Variants in WDR70 observed in about 807,000 individuals in gnomAD.
WDR70 encodes the protein WD repeat domain 70.
Under a neutral mutation model 88.6 loss-of-function variants are expected in WDR70, and 53 were observed. The observed-to-expected ratio is 0.60, with a 90% CI of 0.48 to 0.75. The LOEUF (loss-of-function observed/expected upper bound fraction) is 0.75, where lower values mean the gene tolerates loss of function less well. WDR70 is among the 30% of genes least tolerant of loss of function. The pLI is 0.00. For missense variants in WDR70, 610 were observed against 823.2 expected, an observed-to-expected ratio of 0.74 and a Z score of 3.17; for synonymous variants, 280 against 270.0, an observed-to-expected ratio of 1.04 and a Z score of -0.36.
intron 8 of WDR70, among the ~76,000 whole-genome samples, chr5:37,514,587 C>T (rs946126507): frequency 2.6e-5 from 4 of 151,482 alleles, no homozygotes; most frequent in African/African-American, 7.3e-5. Flanking sequence ...GCTGTTCCCC[C>T]GACAGTGTGT....
intron 10 of WDR70, among the ~76,000 whole-genome samples, chr5:37,658,494 C>T (rs1046492398): frequency 1.3e-5 from 2 of 152,088 alleles, no homozygotes; most frequent in Non-Finnish European, 2.9e-5. Context: ...CTAGAATATG[C>T]GTTGCCTCTT....
chr5:37,379,738 T>A (rs1452286595), intron 2 of WDR70, among the ~76,000 whole-genome samples, 184 bp downstream of exon 2: 1 of 22,018 alleles, frequency 4.5e-5, no homozygotes, highest in Non-Finnish European at 1.2e-4. Context: ...CCAACTCAGA[T>A]GACAGTTATG....
chr5:37,573,459 C>T (rs1742968291), intron 9 of WDR70, among the ~76,000 whole-genome samples: 1 of 151,918 alleles, frequency 6.6e-6, no homozygotes, highest in Admixed American at 6.6e-5. Context: ...ATACATGTGC[C>T]ATGTTGGTGT....
intron 10 of WDR70, among the ~76,000 whole-genome samples, chr5:37,679,446 A>T (rs901153864): frequency 6.6e-6 from 1 of 151,960 alleles, no homozygotes; most frequent in Non-Finnish European, 1.5e-5. Context: ...TTTTCCTTCT[A>T]ACAGACAGAA....
chr5:37,402,653 C>A (rs564672062), intron 5 of WDR70, among the ~76,000 whole-genome samples: 1 of 152,066 alleles, frequency 6.6e-6, no homozygotes, highest in Non-Finnish European at 1.5e-5. Flanking sequence ...TAGGAACATT[C>A]AAATTATTCT....
chr5:37,612,811 C>A (rs1004044523), intron 10 of WDR70, among the ~76,000 whole-genome samples: 212 of 152,116 alleles, frequency 1.4e-3, no homozygotes, highest in African/African-American at 4.9e-3. Context: ...TTTAGTTATG[C>A]CTGAGTAGAT....
At chr5:37,672,758 A>G (rs1223985954) in intron 10 of WDR70, among the ~76,000 whole-genome samples, 1 of 152,028 alleles carries the variant, frequency 6.6e-6, no homozygotes, top group Non-Finnish European at 1.5e-5. Context: ...GGTCCTCCAT[A>G]TGCTGAGCGC....
intron 10 of WDR70, among the ~76,000 whole-genome samples, chr5:37,605,775 G>A (rs1388409656): frequency 6.6e-6 from 1 of 152,062 alleles, no homozygotes; most frequent in Non-Finnish European, 1.5e-5. Flanking sequence ...ATAAAGTTTG[G>A]AATTGGAAGG....
chr5:37,408,476 A>G (rs1324746831), intron 5 of WDR70, among the ~76,000 whole-genome samples: 1 of 152,168 alleles, frequency 6.6e-6, no homozygotes, highest in Non-Finnish European at 1.5e-5. Context: ...ACTTGGCTCA[A>G]AAAATTGAAA....
chr5:37,546,055 A>G (rs1741982034), intron 9 of WDR70, among the ~76,000 whole-genome samples: 1 of 152,216 alleles, frequency 6.6e-6, no homozygotes, highest in Admixed American at 6.5e-5. Context: ...ATAATAAAAT[A>G]TTACTGGAGG....
intron 5 of WDR70, among the ~76,000 whole-genome samples, chr5:37,409,948 A>G (rs984135624): frequency 2.6e-5 from 4 of 152,188 alleles, no homozygotes; most frequent in African/African-American, 9.6e-5. Flanking sequence ...CAAATCTTTC[A>G]TCACAATAGG....
chr5:37,630,345 A>C (rs140827943), intron 10 of WDR70, among the ~76,000 whole-genome samples: 35 of 152,208 alleles, frequency 2.3e-4, no homozygotes, highest in Non-Finnish European at 3.2e-4. Context: ...AACAGTCTGC[A>C]ATGTTTCCAC....
chr5:37,565,419 C>A (rs754887667), intron 9 of WDR70, among the ~76,000 whole-genome samples: 2 of 152,022 alleles, frequency 1.3e-5, no homozygotes, highest in Admixed American at 6.5e-5. Context: ...TGTAAGACTG[C>A]TTTTGTGTCA....
chr5:37,586,819 C>T (rs1204340405), intron 9 of WDR70, among the ~76,000 whole-genome samples: 1 of 152,152 alleles, frequency 6.6e-6, no homozygotes, highest in Non-Finnish European at 1.5e-5. Context: ...GGTTTCATAT[C>T]TCTGTCTACA....
chr5:37,636,308 A>G (rs1171512874), intron 10 of WDR70, among the ~76,000 whole-genome samples: 1 of 152,140 alleles, frequency 6.6e-6, no homozygotes, highest in Non-Finnish European at 1.5e-5. Flanking sequence ...ATAAGAAACA[A>G]CTCTTCCTTA....
At chr5:37,682,675 T>A (rs1274451338) in intron 10 of WDR70, among the ~76,000 whole-genome samples, 1 of 152,198 alleles carries the variant, frequency 6.6e-6, no homozygotes, top group African/African-American at 2.4e-5. Flanking sequence ...AATATTATTA[T>A]TTATCCAAAA....
chr5:37,473,492 G>A (rs1050537933), intron 7 of WDR70, among the ~76,000 whole-genome samples: 3 of 151,810 alleles, frequency 2.0e-5, no homozygotes, highest in African/African-American at 7.3e-5. Flanking sequence ...ACAGGTGTGT[G>A]CCATCACGCT....
At position 37,420,544 on chromosome 5, in the gene WDR70, A is replaced by C. The variant is rs78913045; in HGVS notation, c.493-17378A>C. ...AACCTCGAACTCCTGGGCTTAAGTG[A>C]TCTTTCTGCTCTAGCCTCCTGAGCA... On this transcript the variant is annotated intron_variant, in intron 5 of 17. Coordinates refer to ENST00000265107, the MANE Select transcript of WDR70 (RefSeq NM_018034.4). Among the ~76,000 whole-genome samples, 1,218 of 152,242 alleles carry C rather than the reference A, an allele frequency of 8.0e-3. 20 individuals are homozygous for C. Among genetic ancestry groups the C allele is most frequent in the African/African-American group, 0.028 (1,154 of 41,518 alleles).
chr5:37,635,349 C>T (rs189938331), intron 10 of WDR70, among the ~76,000 whole-genome samples: 4 of 152,224 alleles, frequency 2.6e-5, no homozygotes, highest in Admixed American at 1.3e-4. Flanking sequence ...ACTTTTGTGC[C>T]GCTGCTGCTT....
Sources: gnomAD v4.1 joint callset for allele counts (sites outside exome capture counted in the v4.1 genomes callset) on GRCh38, gnomAD v4.1.1 for gene constraint, MANE v1.5 for transcripts, NCBI Gene and HGNC (gene_info 2026-07-23, HGNC 2026-07-21) for gene names.